Variants in PRKCE observed in about 807,000 individuals in gnomAD.
PRKCE encodes protein kinase C epsilon, also known as protein kinase C epsilon type.
PRKCE carries 16 observed loss-of-function variants against 85.4 expected under a neutral mutation model. That is an observed-to-expected ratio of 0.19 (90% confidence interval 0.13 to 0.28). The LOEUF (loss-of-function observed/expected upper bound fraction) is 0.28. Ranked by LOEUF, PRKCE falls within the 10% of genes least tolerant of loss-of-function variation. The pLI is 1.00. For synonymous variants in PRKCE, 388 were observed against 371.5 expected (o/e 1.04, Z -0.51); for missense variants, 573 against 975.2 (o/e 0.59, Z 5.49).
At chr2:45,991,633 T>A (rs1028196541) in intron 6 of PRKCE, among the ~76,000 whole-genome samples, 12 of 152,234 alleles carry the variant, frequency 7.9e-5, no homozygotes, top group African/African-American at 2.9e-4. Flanking sequence ...CCATTTTAAT[T>A]TATGCTGTCA....
At chr2:46,124,794 G>T (rs893279611) in intron 11 of PRKCE, among the ~76,000 whole-genome samples, 2 of 152,218 alleles carry the variant, frequency 1.3e-5, no homozygotes, top group African/African-American at 4.8e-5. Context: ...CTTAGTCACT[G>T]TGGGGAATGA....
chr2:46,084,732 A>AT (rs1385635855), intron 10 of PRKCE, among the ~76,000 whole-genome samples: 1 of 151,476 alleles, frequency 6.6e-6, no homozygotes, highest in Non-Finnish European at 1.5e-5. Context: ...AAAAAAAAAA[A>AT]AAAAAAAAGA....
chr2:46,060,714 C>T (rs6723478), intron 10 of PRKCE, among the ~76,000 whole-genome samples: 16,068 of 151,150 alleles, frequency 0.11, 1,241 homozygotes, highest in African/African-American at 0.22. Flanking sequence ...CTAGTTCTGT[C>T]AATCTTATAG....
rs57498465 is a variant in PRKCE, at chr2:45,854,716, C to G, written c.412+11653C>G. Among the ~76,000 whole-genome samples, 577 of 152,314 alleles carry G rather than the reference C, an allele frequency of 3.8e-3. 5 individuals carry two copies. The highest frequency in any genetic ancestry group is 0.013 in the African/African-American group (542 of 41,572). On this transcript the variant is annotated intron_variant, in intron 2 of 14. Transcript: ENST00000306156. ...GAGAAAGTTTCCTAATCTCTCCTTA[C>G]ACTTACCACCAGGGAGCCAGACCCA...
chr2:45,941,096 G>T (rs1018514434), intron 2 of PRKCE, among the ~76,000 whole-genome samples: 34 of 126,506 alleles, frequency 2.7e-4, no homozygotes, highest in Non-Finnish European at 4.0e-4. Context: ...AAGATGATAG[G>T]CACCTATTCC....
chr2:45,951,512 G>A (rs1197042441), intron 2 of PRKCE, among the ~76,000 whole-genome samples: 1 of 152,198 alleles, frequency 6.6e-6, no homozygotes, highest in African/African-American at 2.4e-5. Context: ...CAGAAAGACA[G>A]CCCTTTTGGC....
intron 1 of PRKCE, among the ~76,000 whole-genome samples, chr2:45,841,370 C>G (rs1691336978): frequency 6.6e-6 from 1 of 152,166 alleles, no homozygotes; most frequent in Admixed American, 6.5e-5. Context: ...CCCAAGAGCC[C>G]CTGGCAAACC....
At chr2:45,680,607 T>C (rs1194323853) in intron 1 of PRKCE, among the ~76,000 whole-genome samples, 1 of 152,226 alleles carries the variant, frequency 6.6e-6, no homozygotes, top group African/African-American at 2.4e-5. Context: ...CTTCTGCCAG[T>C]AGGCTAAAAC....
intron 1 of PRKCE, among the ~76,000 whole-genome samples, chr2:45,828,080 G>C (rs1690097061): frequency 6.6e-6 from 1 of 152,154 alleles, no homozygotes. Flanking sequence ...AGAAATGTTT[G>C]CCCATTCCTG....
At chr2:45,714,284 G>A (rs1357319553) in intron 1 of PRKCE, among the ~76,000 whole-genome samples, 1 of 152,224 alleles carries the variant, frequency 6.6e-6, no homozygotes, top group Admixed American at 6.5e-5. Flanking sequence ...AAGGTGAGGG[G>A]AGATGGCTTG....
At chr2:45,922,470 A>C (rs1195580147) in intron 2 of PRKCE, among the ~76,000 whole-genome samples, 1 of 152,106 alleles carries the variant, frequency 6.6e-6, no homozygotes, top group Non-Finnish European at 1.5e-5. Context: ...GTTTCCATGG[A>C]GGGGGTCAAC....
At chr2:46,143,513 A>C (rs894467402) in intron 11 of PRKCE, among the ~76,000 whole-genome samples, 2 of 152,124 alleles carry the variant, frequency 1.3e-5, no homozygotes, top group African/African-American at 4.8e-5. Context: ...TAGTCCTTCA[A>C]ATAAGCCTAC....
intron 11 of PRKCE, among the ~76,000 whole-genome samples, chr2:46,106,367 G>C (rs1469598109): frequency 6.6e-6 from 1 of 152,164 alleles, no homozygotes; most frequent in Admixed American, 6.5e-5. Flanking sequence ...ATTTACTTAA[G>C]TGTTCATTCC....
chr2:46,118,582 A>T (rs1672997741), intron 11 of PRKCE, among the ~76,000 whole-genome samples: 1 of 152,204 alleles, frequency 6.6e-6, no homozygotes. Context: ...AGATGAGACT[A>T]TTATATGATA....
rs1344652659 is a variant in PRKCE, at chr2:46,010,386, G to C, written c.1306G>C (p.Val436Leu). ...ELKGKDEVYA[V>L]KVLKKDVILQ... is the part of the protein sequence containing the mutation. ...CAAGGGCAAAGATGAAGTATATGCTGTGAAGGTCTTAAAGAAGGACGTCAT... is the reference window on the plus strand; with the variant it reads ...CAAGGGCAAAGATGAAGTATATGCTCTGAAGGTCTTAAAGAAGGACGTCAT... Residue 436 changes from valine (V) to leucine (L), a missense_variant, in exon 10 of 15, where the codon GTG (valine) becomes CTG (leucine). This residue lies in a region of PRKCE where 89 missense variants were observed against 154.1 expected (regional missense o/e 0.58). Transcript: ENST00000306156. The C allele has an allele frequency of 1.3e-6, 2 of 1,599,482 alleles. No individual in the cohort carries two copies. The highest frequency in any genetic ancestry group is 1.7e-6 in the Non-Finnish European group (2 of 1,179,896).
At chr2:45,800,737 G>A (rs1212242192) in intron 1 of PRKCE, among the ~76,000 whole-genome samples, 1 of 152,230 alleles carries the variant, frequency 6.6e-6, no homozygotes, top group Non-Finnish European at 1.5e-5. Flanking sequence ...CATTAAAATT[G>A]GAGAAGGAAC....
intron 1 of PRKCE, among the ~76,000 whole-genome samples, chr2:45,655,850 A>G (rs1432612885): frequency 2.3e-4 from 19 of 83,744 alleles, no homozygotes; most frequent in African/African-American, 6.3e-4. Flanking sequence ...TCTCTTGAAA[A>G]AAAAAAAAAA....
In PRKCE at chr2:45,652,145, C is replaced by G; in HGVS notation, c.45C>G (p.Ala15=). The change falls in exon 1 of 15, where the codon GCC becomes GCG. Residue 15 remains alanine (A), a synonymous_variant. Coordinates refer to ENST00000306156, the MANE Select transcript of PRKCE (RefSeq NM_005400.3). The surrounding 1 kb of genome is among the most constrained non-coding windows in gnomAD (Gnocchi z 7.7). ...NGLLKIKICE[A]VSLKPTAWSL... Reference sequence around the variant, plus strand: ...TTCTTAAGATCAAAATCTGCGAGGCCGTGAGCTTGAAGCCCACAGCCTGGT... The same window carrying G: ...TTCTTAAGATCAAAATCTGCGAGGCGGTGAGCTTGAAGCCCACAGCCTGGT... 1 of 1,604,670 alleles carries G rather than the reference C, an allele frequency of 6.2e-7. No homozygotes were observed. The highest frequency in any genetic ancestry group is 8.5e-7 in the Non-Finnish European group (1 of 1,175,486).
intron 2 of PRKCE, among the ~76,000 whole-genome samples, chr2:45,976,225 G>A (rs1288948896): frequency 6.6e-6 from 1 of 152,114 alleles, no homozygotes; most frequent in African/African-American, 2.4e-5. Context: ...GGCACACTCT[G>A]GGCCTTTCCA....
Sources: gnomAD v4.1 joint callset for allele counts (sites outside exome capture counted in the v4.1 genomes callset) on GRCh38, gnomAD v4.1.1 for gene constraint, gnomAD v4.1.1 regional missense constraint, Gnocchi (gnomAD v3.1) non-coding constraint, MANE v1.5 for transcripts, NCBI Gene and HGNC (gene_info 2026-07-23, HGNC 2026-07-21) for gene names.